UBE2U: variants seen among roughly 807,000 people sequenced by gnomAD.
UBE2U encodes ubiquitin-conjugating enzyme E2 U.
Under a neutral mutation model 41.2 loss-of-function variants are expected in UBE2U, and 39 were observed. The ratio of observed to expected loss-of-function variants is 0.95; its 90% CI spans 0.73 to 1.24. The LOEUF (loss-of-function observed/expected upper bound fraction) is 1.24, where lower values mean the gene tolerates loss of function less well. Ranked by LOEUF, UBE2U falls within the 50% of genes most tolerant of loss-of-function variation. The pLI, the probability that UBE2U is intolerant of heterozygous loss-of-function variation, is 0.00. For synonymous variants in UBE2U, 107 were observed against 117.8 expected (o/e 0.91, Z 0.60); for missense variants, 336 against 363.1 (o/e 0.93, Z 0.61).
chr1:64,238,163 G>C (rs369208166), intron 7 of UBE2U, among the ~76,000 whole-genome samples: 4 of 152,138 alleles, frequency 2.6e-5, no homozygotes, highest in African/African-American at 9.7e-5. Context: ...CCAGCACTTT[G>C]GGAGGCCAAG....
chr1:64,214,170 GCAGTAGCACTTT>G (rs1307496589), intron 4 of UBE2U, among the ~76,000 whole-genome samples: 1 of 152,070 alleles, frequency 6.6e-6, no homozygotes, highest in Non-Finnish European at 1.5e-5. Context: ...TCAGTGCTGC[GCAGTAGCACTTT>G]CTGCATTGAT....
chr1:64,238,879 G>A (rs1039960083), intron 7 of UBE2U, among the ~76,000 whole-genome samples: 7 of 151,260 alleles, frequency 4.6e-5, no homozygotes, highest in East Asian at 1.9e-4. Context: ...CCATCTCTAC[G>A]AAAAAGTTAA....
At chr1:64,253,034 T>C (rs1252808418) in intron 8 of UBE2U, among the ~76,000 whole-genome samples, 1 of 152,126 alleles carries the variant, frequency 6.6e-6, no homozygotes, top group African/African-American at 2.4e-5. Flanking sequence ...ATACAGAAGA[T>C]GATAACCAGA....
chr1:64,212,988 A>C (rs1004638778), intron 4 of UBE2U, among the ~76,000 whole-genome samples: 2 of 152,236 alleles, frequency 1.3e-5, no homozygotes, highest in African/African-American at 4.8e-5. Context: ...AAAGATTTTT[A>C]AGATAATGGG....
intron 5 of UBE2U, among the ~76,000 whole-genome samples, chr1:64,217,927 C>T (rs1168868895): frequency 1.3e-5 from 2 of 152,124 alleles, no homozygotes; most frequent in African/African-American, 2.4e-5. Flanking sequence ...TTCTCCAATT[C>T]AAGTTCCCAG....
At chr1:64,263,408 C>T (rs942336009) in intron 9 of UBE2U, among the ~76,000 whole-genome samples, 57 of 152,134 alleles carry the variant, frequency 3.7e-4, no homozygotes, top group South Asian at 2.5e-3. Context: ...ATCACCAGAG[C>T]GTGCCTGGAC....
At chr1:64,250,948 G>A (rs1644999751) in intron 8 of UBE2U, among the ~76,000 whole-genome samples, 2 of 151,390 alleles carry the variant, frequency 1.3e-5, no homozygotes, top group East Asian at 1.9e-4. Flanking sequence ...AGCATTAGGA[G>A]ATACACCTAA....
At chr1:64,244,197 A>G (rs1209988003) in intron 8 of UBE2U, 3 of 1,597,630 alleles carry the variant, frequency 1.9e-6, no homozygotes, top group African/African-American at 2.7e-5. Flanking sequence ...CAGATGTTGG[A>G]GAAATTCTTA....
At chr1:64,251,490 A>T (rs1173360620) in intron 8 of UBE2U, among the ~76,000 whole-genome samples, 1 of 152,182 alleles carries the variant, frequency 6.6e-6, no homozygotes, top group Non-Finnish European at 1.5e-5. Context: ...ACAGGGAGTG[A>T]ATTTGGCATG....
intron 7 of UBE2U, 45 bp downstream of exon 7, chr1:64,232,694 AT>A: frequency 4.1e-6 from 6 of 1,470,170 alleles, no homozygotes; most frequent in Non-Finnish European, 5.6e-6. Context: ...GTATATGTTA[AT>A]CTGTTAACAT....
At chr1:64,221,890 T>C (rs940826563) in intron 6 of UBE2U, among the ~76,000 whole-genome samples, 3 of 151,966 alleles carry the variant, frequency 2.0e-5, no homozygotes, top group Admixed American at 6.6e-5. Flanking sequence ...ATCGAGACCA[T>C]CCTGGCTAAC....
chr1:64,265,669 TC>T (rs903175306), intron 9 of UBE2U, among the ~76,000 whole-genome samples: 6 of 152,080 alleles, frequency 3.9e-5, no homozygotes, highest in African/African-American at 1.4e-4. Flanking sequence ...ACCTCTGCCT[TC>T]CGGGTTCAAG....
chr1:64,229,251 C>T (rs1653115545), intron 6 of UBE2U, among the ~76,000 whole-genome samples: 1 of 151,950 alleles, frequency 6.6e-6, no homozygotes, highest in Non-Finnish European at 1.5e-5. Flanking sequence ...CGCCTCAGTA[C>T]CAAATATGGT....
At chr1:64,261,089 T>A (rs1045687561) in intron 9 of UBE2U, among the ~76,000 whole-genome samples, 3 of 152,118 alleles carry the variant, frequency 2.0e-5, no homozygotes, top group African/African-American at 7.2e-5. Context: ...CAATGCTGAG[T>A]TGTTTTTCGT....
intron 6 of UBE2U, among the ~76,000 whole-genome samples, chr1:64,231,611 TTAAA>T (rs1332693027): frequency 2.6e-5 from 4 of 152,238 alleles, no homozygotes; most frequent in African/African-American, 7.2e-5. Context: ...TAATTGTTAT[TTAAA>T]TAAATGAATG....
chr1:64,208,037 GATT>G (rs1651411604), intron 3 of UBE2U, among the ~76,000 whole-genome samples: 1 of 152,084 alleles, frequency 6.6e-6, no homozygotes, highest in Non-Finnish European at 1.5e-5. Flanking sequence ...AACATAAAAA[GATT>G]ATCAATCTCA....
At chr1:64,260,091 A>C (rs977074183) in intron 8 of UBE2U, among the ~76,000 whole-genome samples, 4 of 152,072 alleles carry the variant, frequency 2.6e-5, no homozygotes, top group African/African-American at 9.7e-5. Flanking sequence ...GGAGTGATGC[A>C]GCTATAAGCC....
rs536955177 is a variant in UBE2U at position 64,244,924 on chromosome 1, A to G, written c.677+3191A>G. On this transcript the variant is annotated intron_variant, in intron 8 of 9. Coordinates refer to ENST00000371077, the MANE Select transcript of UBE2U (RefSeq NM_001366232.2). Reference sequence around the variant, plus strand: ...CAATTAGTATTAGGATTAAATGTGAAGAAAGTTCATTTTAGAAAAATAAAA... The same window carrying G: ...CAATTAGTATTAGGATTAAATGTGAGGAAAGTTCATTTTAGAAAAATAAAA... Among the ~76,000 whole-genome samples, 7 of 152,336 alleles carry G rather than the reference A, an allele frequency of 4.6e-5. No homozygotes were observed. The South Asian group carries it at 1.2e-3, about 27-fold the overall frequency.
At position 64,205,358 on chromosome 1, in the gene UBE2U, A is replaced by G. The variant is rs1456439054; in HGVS notation, c.67-281A>G. Among the ~76,000 whole-genome samples, 48 of 152,226 alleles carry G rather than the reference A, an allele frequency of 3.2e-4. 1 individual carries two copies. The highest frequency in any genetic ancestry group is 3.1e-3 in the Admixed American group (47 of 15,286). ...AAATTGGTTATTGATTTACACAAAC[A>G]GTATATAAGCCACACATTCTAATCT... On this transcript the variant is annotated intron_variant, in intron 1 of 9. Coordinates refer to ENST00000371077, the MANE Select transcript of UBE2U (RefSeq NM_001366232.2).
Sources: allele counts gnomAD v4.1 joint callset (sites outside exome capture counted in the v4.1 genomes callset), GRCh38; gene constraint gnomAD v4.1.1; transcripts MANE v1.5; gene names NCBI Gene and HGNC (gene_info 2026-07-23, HGNC 2026-07-21).